ACER3: variants seen among roughly 807,000 people sequenced by gnomAD.
ACER3 encodes the protein alkCDase 3.
In ACER3, 16 loss-of-function variants were observed where a neutral mutation model predicts 48.9. That is an observed-to-expected ratio of 0.33 (90% CI 0.22 to 0.50). The LOEUF (loss-of-function observed/expected upper bound fraction) is 0.50, where lower values mean the gene tolerates loss of function less well. ACER3 is among the 20% of genes least tolerant of loss of function. The pLI is 0.98. For synonymous variants in ACER3, 109 were observed against 107.8 expected (o/e 1.01, Z -0.07); for missense variants, 227 against 326.0 (o/e 0.70, Z 2.34).
intron 2 of ACER3, among the ~76,000 whole-genome samples, chr11:76,950,810 G>A (rs888508231): frequency 6.6e-6 from 1 of 152,086 alleles, no homozygotes; most frequent in African/African-American, 2.4e-5. Context: ...TGATTTGGAG[G>A]TTTTCTCTTG....
chr11:76,864,795 T>C (rs548278870), intron 1 of ACER3, among the ~76,000 whole-genome samples: 21 of 151,324 alleles, frequency 1.4e-4, no homozygotes, highest in East Asian at 5.8e-4. Context: ...AGACGGGGTT[T>C]CACCATTTTG....
chr11:76,864,396 T>C (rs1237145735), intron 1 of ACER3, among the ~76,000 whole-genome samples: 6 of 152,180 alleles, frequency 3.9e-5, no homozygotes, highest in Admixed American at 2.6e-4. Context: ...TCTTTAAAAC[T>C]TTTTGTCAAA....
intron 1 of ACER3, among the ~76,000 whole-genome samples, chr11:76,901,783 T>C (rs1259696261): frequency 6.6e-6 from 1 of 152,304 alleles, no homozygotes; most frequent in Non-Finnish European, 1.5e-5. Flanking sequence ...TGCTTTTCTA[T>C]ACAATGTCTG....
chr11:76,911,722 G>A (rs1260260598), intron 1 of ACER3, among the ~76,000 whole-genome samples: 1 of 151,958 alleles, frequency 6.6e-6, no homozygotes. Context: ...TATATACTTG[G>A]CCTAAATATG....
chr11:76,919,224 T>C (rs116526532), intron 1 of ACER3, among the ~76,000 whole-genome samples: 3,228 of 152,328 alleles, frequency 0.021, 118 homozygotes, highest in African/African-American at 0.074. Flanking sequence ...CAGGGTTTTA[T>C]GTATTCAGCC....
chr11:76,967,542 A>G (rs1238105972), intron 3 of ACER3, among the ~76,000 whole-genome samples: 1 of 152,242 alleles, frequency 6.6e-6, no homozygotes, highest in African/African-American at 2.4e-5. Context: ...AAAATCCTCA[A>G]TAAAATACTG....
At chr11:77,012,852 C>G (rs1949298094) in intron 7 of ACER3, among the ~76,000 whole-genome samples, 1 of 152,122 alleles carries the variant, frequency 6.6e-6, no homozygotes, top group East Asian at 1.9e-4. Context: ...TGAAAAGGAA[C>G]AAAGTTAGAG....
chr11:77,016,803 C>A, intron 9 of ACER3, 24 bp downstream of exon 9: 2 of 1,317,496 alleles, frequency 1.5e-6, no homozygotes, highest in Non-Finnish European at 2.1e-6. Context: ...ACTTTTTTAG[C>A]CTCGTACTAG....
intron 2 of ACER3, among the ~76,000 whole-genome samples, chr11:76,941,760 G>T (rs926919120): frequency 3.3e-5 from 5 of 151,962 alleles, no homozygotes; most frequent in African/African-American, 1.2e-4. Context: ...TCATTTTAAT[G>T]ATATTAATTC....
chr11:76,900,118 C>G (rs1405650138), intron 1 of ACER3, among the ~76,000 whole-genome samples: 2 of 152,088 alleles, frequency 1.3e-5, no homozygotes, highest in Non-Finnish European at 2.9e-5. Flanking sequence ...TGCTTGAGGC[C>G]AAGAGTTCAA....
At chr11:76,870,995 TACA>T (rs1945228497) in intron 1 of ACER3, among the ~76,000 whole-genome samples, 1 of 152,214 alleles carries the variant, frequency 6.6e-6, no homozygotes, top group South Asian at 2.1e-4. Flanking sequence ...TTACAATCCT[TACA>T]ACGACTCTTA....
At chr11:76,921,643 T>A (rs1415120814) in intron 1 of ACER3, among the ~76,000 whole-genome samples, 1 of 152,216 alleles carries the variant, frequency 6.6e-6, no homozygotes, top group Non-Finnish European at 1.5e-5. Context: ...TTGTCTTGGC[T>A]CTTCTTAGCC....
At chr11:77,007,779 C>T (rs1300920490) in intron 7 of ACER3, among the ~76,000 whole-genome samples, 3 of 152,162 alleles carry the variant, frequency 2.0e-5, no homozygotes, top group African/African-American at 7.2e-5. Flanking sequence ...GCCTTCTTAA[C>T]CTGGCATGGG....
At chr11:76,939,171 A>C (rs1947275132) in intron 2 of ACER3, among the ~76,000 whole-genome samples, 1 of 152,208 alleles carries the variant, frequency 6.6e-6, no homozygotes. Flanking sequence ...CCAACTAATA[A>C]ATGTAAACAG....
chr11:76,881,392 CT>C (rs1050330535), intron 1 of ACER3, among the ~76,000 whole-genome samples: 18 of 150,692 alleles, frequency 1.2e-4, no homozygotes, highest in African/African-American at 2.9e-4. Context: ...ATTATACTAG[CT>C]TTTTTTTTGT....
At chr11:76,962,374 C>G (rs1948020134) in intron 3 of ACER3, among the ~76,000 whole-genome samples, 1 of 150,916 alleles carries the variant, frequency 6.6e-6, no homozygotes, top group Admixed American at 6.6e-5. Flanking sequence ...CACCCGCCAC[C>G]ATGCCTCGCT....
intron 1 of ACER3, among the ~76,000 whole-genome samples, chr11:76,865,795 C>T (rs1945068674): frequency 6.6e-6 from 1 of 151,230 alleles, no homozygotes; most frequent in African/African-American, 2.4e-5. Context: ...AGGTGTGAGC[C>T]ACCTTGCCCA....
At chr11:76,890,778 TA>T (rs1945784508) in intron 1 of ACER3, among the ~76,000 whole-genome samples, 1 of 152,134 alleles carries the variant, frequency 6.6e-6, no homozygotes, top group Non-Finnish European at 1.5e-5. Flanking sequence ...AACTAAGGTA[TA>T]AGCTTAAAAA....
chr11:76,887,152 T>C (rs11236999), intron 1 of ACER3, among the ~76,000 whole-genome samples: 90,018 of 152,068 alleles, frequency 0.59, 29,012 homozygotes, highest in Non-Finnish European at 0.74. Context: ...CCTAGCTACT[T>C]GGGAGGCTGA....
Sources: gnomAD v4.1 joint callset for allele counts (sites outside exome capture counted in the v4.1 genomes callset) on GRCh38, gnomAD v4.1.1 for gene constraint, MANE v1.5 for transcripts, NCBI Gene and HGNC (gene_info 2026-07-23, HGNC 2026-07-21) for gene names.